BRAT1: variants seen among roughly 807,000 people sequenced by gnomAD.
BRAT1 encodes the protein integrator complex assembly factor BRAT1.
In BRAT1, 74 loss-of-function variants were observed where a neutral mutation model predicts 70.6. The observed-to-expected ratio is 1.05, with a 90% CI of 0.87 to 1.27. The LOEUF is 1.27. Among genes scored for constraint, BRAT1 ranks in the 50% most tolerant of loss-of-function variants. BRAT1 has a pLI of 0.00. For missense variants in BRAT1, 1,203 were observed against 1,098.2 expected (o/e 1.10, Z -1.35); for synonymous variants, 615 against 517.1 (o/e 1.19, Z -2.57).
chr7:2,544,191 C>T, intron 4 of BRAT1: 1 of 269,142 alleles, frequency 3.7e-6, no homozygotes, highest in Non-Finnish European at 6.5e-6. Context: ...CAATTCGTTC[C>T]TTCTTGTTGT....
Position 2,543,542 on chromosome 7 carries a change from A to G in BRAT1, c.803+48T>C. On this transcript the variant is annotated intron_variant, in intron 5 of 13. Coordinates refer to ENST00000340611, the MANE Select transcript of BRAT1 (RefSeq NM_152743.4). This position sits in a 1 kb window ranked among gnomAD's most constrained non-coding sequence, Gnocchi z 5.5. The stretch of plus-strand genomic sequence containing the variant: ...GGACATCCCTGGGCGTTATCCGAGG[A>G]AAACAGTTGCCCACCCAGGCCCCCC... 6.7e-7 allele frequency: 1 copy of G among 1,497,386 alleles called. No individual in the cohort carries two copies. Among genetic ancestry groups the G allele is most frequent in the Non-Finnish European group, 8.9e-7 (1 of 1,123,940 alleles). The allele number at this position is 1,497,386 out of a possible 1,614,324, so 92.8% of individuals were successfully genotyped here.
At chr7:2,552,604 G>A (rs1326688271) in intron 2 of BRAT1, among the ~76,000 whole-genome samples, 1 of 150,984 alleles carries the variant, frequency 6.6e-6, no homozygotes, top group Non-Finnish European at 1.5e-5. Flanking sequence ...AAGAATAAAA[G>A]AACACGGTAA....
chr7:2,543,958 C>A lies in BRAT1; in HGVS notation c.435G>T (p.Ala145=). Residue 145 remains alanine, a synonymous_variant, in exon 5 of 14, where the codon GCG becomes GCT. Transcript: ENST00000340611. This position sits in a 1 kb window ranked among gnomAD's most constrained non-coding sequence, Gnocchi z 5.5. ...CCTGCAGGGAGAAGATGGTGTCGAC[C>A]GCACCTGGGTAGGGGATGGGGGAAG... ...SALRFLADHG[A]VDTIFSLQGD... 6.4e-7 allele frequency: 1 copy of A among 1,568,412 alleles called. No homozygotes were observed. Among genetic ancestry groups the A allele is most frequent in the Non-Finnish European group, 8.7e-7 (1 of 1,150,844 alleles).
chr7:2,547,362 T>C lies in BRAT1; in HGVS notation c.244A>G (p.Thr82Ala). 6.2e-7 allele frequency: 1 copy of C among 1,614,078 alleles called. No individual in the cohort carries two copies. The highest frequency in any genetic ancestry group is 8.5e-7 in the Non-Finnish European group (1 of 1,180,006). ...VLSFSLRLAGTFAAQENCFQY... is the reference protein window; with the variant it reads ...VLSFSLRLAGAFAAQENCFQY... ...AAGCAGTTTTCCTGGGCTGCGAAGG[T>C]TCCTGCCAGGCGCAGTGAGAAGGAG... Residue 82 changes from threonine to alanine, a missense_variant, in exon 3 of 14, where the codon ACC becomes GCC. By Grantham distance (58) the Thr-to-Ala change is moderately conservative. Coordinates refer to ENST00000340611, the MANE Select transcript of BRAT1 (RefSeq NM_152743.4).
At chr7:2,551,939 C>T (rs1196413015) in intron 2 of BRAT1, among the ~76,000 whole-genome samples, 4 of 148,992 alleles carry the variant, frequency 2.7e-5, no homozygotes, top group Non-Finnish European at 5.9e-5. Context: ...CTAAAGGATA[C>T]TCTTTTAAGT....
intron 3 of BRAT1, among the ~76,000 whole-genome samples, chr7:2,545,493 CTTCTTT>C (rs1221240344): frequency 1.9e-5 from 2 of 107,576 alleles, no homozygotes; most frequent in Non-Finnish European, 3.5e-5. Context: ...ACACTTTCTT[CTTCTTT>C]TTTTTTTTTT....
chr7:2,549,950 C>G (rs1174395915), intron 2 of BRAT1, among the ~76,000 whole-genome samples: 1 of 152,136 alleles, frequency 6.6e-6, no homozygotes, highest in Non-Finnish European at 1.5e-5. Context: ...AACCTCACTT[C>G]AAAACGTGTA....
At chr7:2,540,834 ATCGT>A in intron 10 of BRAT1, 141 bp downstream of exon 10, 1 of 859,908 alleles carries the variant, frequency 1.2e-6, no homozygotes, top group Non-Finnish European at 1.7e-6. Context: ...AGCCACCTGC[ATCGT>A]GAAGCTCTCT....
In BRAT1 at chr7:2,539,828, C is replaced by A; in HGVS notation, c.1456G>T (p.Gly486Cys). The part of the protein sequence containing the change: ...RWLLSSPKTP[G>C]CSDLGPLIPQ... ...ATGAGGGGGCCGAGATCAGAGCAGC[C>A]GGGGGTCTTGGGTGAGCTCAGGAGC... The change falls in exon 11 of 14, where the codon GGC becomes TGC. Residue 486 changes from glycine to cysteine, a missense_variant. Coordinates refer to ENST00000340611, the MANE Select transcript of BRAT1 (RefSeq NM_152743.4). 6.2e-7 allele frequency: 1 copy of A among 1,610,738 alleles called. No homozygotes were observed. Among genetic ancestry groups the A allele is most frequent in the East Asian group, 2.2e-5 (1 of 44,756 alleles).
rs781066578 is a variant in BRAT1 at position 2,542,230 on chromosome 7, T to C, written c.924-19A>G. 2 of 1,543,330 alleles carry C rather than the reference T, an allele frequency of 1.3e-6. No homozygotes were observed. Among genetic ancestry groups the C allele is most frequent in the Non-Finnish European group, 8.8e-7 (1 of 1,139,980 alleles). On this transcript the variant is annotated intron_variant, in intron 6 of 13. Transcript: ENST00000340611. ...CTGTGGACTGGAGACAAACGCGAGGTGAGTGCCGCGACCCTGGCTGCGAGA... is the reference window on the plus strand; with the variant it reads ...CTGTGGACTGGAGACAAACGCGAGGCGAGTGCCGCGACCCTGGCTGCGAGA...
chr7:2,554,482 C>T (rs754046668), intron 1 of BRAT1, 35 bp from the exon 2 acceptor site: 6 of 1,583,482 alleles, frequency 3.8e-6, no homozygotes, highest in Non-Finnish European at 4.3e-6. Context: ...ACCTCAATGC[C>T]CACTCCAGAC....
intron 3 of BRAT1, among the ~76,000 whole-genome samples, chr7:2,546,168 G>A (rs1779593629): frequency 6.6e-6 from 1 of 152,218 alleles, no homozygotes; most frequent in Admixed American, 6.5e-5. Flanking sequence ...TTGGCTGGGA[G>A]CAGTGGCTCA....
At chr7:2,539,412 T>C in intron 12 of BRAT1, 61 bp from the exon 13 acceptor site, 2 of 1,543,666 alleles carry the variant, frequency 1.3e-6, no homozygotes, top group Admixed American at 3.8e-5. Context: ...CGCCTCGGCC[T>C]CTGCCTCCAT....
chr7:2,550,795 G>A (rs1196819703), intron 2 of BRAT1, among the ~76,000 whole-genome samples: 4 of 152,160 alleles, frequency 2.6e-5, no homozygotes, highest in Non-Finnish European at 5.9e-5. Flanking sequence ...TTGTGCTGAT[G>A]ATTTCAGAGC....
chr7:2,550,467 C>CAAAAAAAAAAAAAAAAAAAAAAAA (rs71550358), intron 2 of BRAT1, among the ~76,000 whole-genome samples: 2 of 32,680 alleles, frequency 6.1e-5, no homozygotes, highest in African/African-American at 1.3e-4. Flanking sequence ...GACTCCATCT[C>CAAAAAAAAAAAAAAAAAAAAAAAA]AAAAAAAAAA....
chr7:2,539,762 C>T, intron 11 of BRAT1, 24 bp downstream of exon 11: 2 of 1,597,884 alleles, frequency 1.3e-6, no homozygotes, highest in Non-Finnish European at 1.7e-6. Context: ...CAGCTCCGTT[C>T]ACCCCTGCAA....
At chr7:2,547,620 G>C in intron 2 of BRAT1, 142 bp from the exon 3 acceptor site, 1 of 842,774 alleles carries the variant, frequency 1.2e-6, no homozygotes. Flanking sequence ...AAAAATATCT[G>C]CAACAAATAC....
At chr7:2,548,430 G>A (rs989409357) in intron 2 of BRAT1, among the ~76,000 whole-genome samples, 1 of 152,088 alleles carries the variant, frequency 6.6e-6, no homozygotes, top group Non-Finnish European at 1.5e-5. Flanking sequence ...TGGGTGAGGT[G>A]CTCATACCTG....
chr7:2,554,889 C>G (rs1014727049), intron 1 of BRAT1, among the ~76,000 whole-genome samples: 1 of 152,056 alleles, frequency 6.6e-6, no homozygotes, highest in African/African-American at 2.4e-5. Context: ...TCCCTCCCAG[C>G]GTCAAGTGGT....
Sources: gnomAD v4.1 joint callset for allele counts (sites outside exome capture counted in the v4.1 genomes callset) on GRCh38, gnomAD v4.1.1 for gene constraint, Gnocchi (gnomAD v3.1) non-coding constraint, MANE v1.5 for transcripts, NCBI Gene and HGNC (gene_info 2026-07-23, HGNC 2026-07-21) for gene names.